Variants in TAOK2 observed in about 807,000 individuals in gnomAD.
TAOK2 encodes the protein serine/threonine-protein kinase TAO2.
In TAOK2, 42 loss-of-function variants were observed where a neutral mutation model predicts 122.5. That is an observed-to-expected ratio of 0.34 (90% CI 0.27 to 0.44). The LOEUF (loss-of-function observed/expected upper bound fraction) is 0.44. TAOK2 is among the 20% of genes least tolerant of loss of function. The pLI is 1.00. For synonymous variants in TAOK2, 704 were observed against 677.6 expected, an observed-to-expected ratio of 1.04 and a Z score of -0.61; for missense variants, 1,264 against 1,644.9, an observed-to-expected ratio of 0.77 and a Z score of 4.01.
downstream of TAOK2, chr16:29,989,883 G>T: frequency 6.9e-7 from 1 of 1,459,822 alleles, no homozygotes. Flanking sequence ...GACGGTGCAG[G>T]GCATGCACAG....
chr16:29,982,191 GCTT>G (rs1292591822), intron 10 of TAOK2, among the ~76,000 whole-genome samples: 1 of 152,208 alleles, frequency 6.6e-6, no homozygotes, highest in African/African-American at 2.4e-5. Flanking sequence ...GCCAGCCAGA[GCTT>G]CTGGTCAGCA....
In TAOK2 at chr16:29,986,322, C is replaced by T; in HGVS notation, c.2050C>T (p.His684Tyr). The T allele has an allele frequency of 6.4e-7, 1 of 1,566,586 alleles. No individual in the cohort carries two copies. Among genetic ancestry groups the T allele is most frequent in the Non-Finnish European group, 8.7e-7 (1 of 1,154,522 alleles). The part of the protein sequence containing the change: ...DLECALLLRQ[H>Y]EATRELELRQ... The stretch of plus-strand genomic sequence containing the variant: ...GGAGTGTGCACTGCTGCTTCGGCAG[C>T]ACGAGGCCACGCGGGAGCTGGAGCT... The change falls in exon 16 of 16, where the codon CAC becomes TAC. Residue 684 changes from histidine (H) to tyrosine (Y), a missense_variant. Transcript: ENST00000308893. This position sits in a 1 kb window ranked among gnomAD's most constrained non-coding sequence, Gnocchi z 4.2.
At chr16:29,989,954 T>G, downstream of TAOK2, 1 of 710,210 alleles carries the variant, frequency 1.4e-6, no homozygotes, top group Non-Finnish European at 2.3e-6. Flanking sequence ...TTCTCCACAA[T>G]GATTTATTTC....
chr16:29,991,311 C>T (rs761893778), downstream of TAOK2: 1 of 1,610,636 alleles, frequency 6.2e-7, no homozygotes, highest in Non-Finnish European at 8.5e-7. This position sits in a 1 kb window ranked among gnomAD's most constrained non-coding sequence, Gnocchi z 5.6. Flanking sequence ...CATGCCCCCT[C>T]CAGCCTGGCG....
At chr16:29,974,807 C>G (rs1165630134) in intron 1 of TAOK2, among the ~76,000 whole-genome samples, 159 bp downstream of exon 1, 3 of 152,134 alleles carry the variant, frequency 2.0e-5, no homozygotes, top group Non-Finnish European at 1.5e-5. Context: ...CTGTTGCCAC[C>G]CCCTTCCCCT....
rs960749207 is a variant in TAOK2, at chr16:29,986,885, C to T, written c.2613C>T (p.Ser871=). 5 of 1,613,882 alleles carry T rather than the reference C, an allele frequency of 3.1e-6. No homozygotes were observed. The African/African-American group carries it at 4.0e-5, about 13-fold the overall frequency. The change falls in exon 16 of 16, where the codon AGC becomes AGT. Residue 871 remains serine (S), a synonymous_variant. Transcript: ENST00000308893. The surrounding 1 kb of genome is among the most constrained non-coding windows in gnomAD (Gnocchi z 4.2). ...IVGQEEAGTW[S]LWGKEDESLL... ...GCCAGGAGGAGGCTGGGACATGGAG[C>T]TTGTGGGGGAAGGAGGATGAGAGTC...
In TAOK2 at chr16:29,979,663, C is replaced by A. The variant is rs1355882609; in HGVS notation, c.655+155C>A. 6.6e-6 allele frequency among the ~76,000 whole-genome samples: 1 copy of A among 152,160 alleles called. No homozygotes were observed. Among genetic ancestry groups the A allele is most frequent in the East Asian group, 1.9e-4 (1 of 5,196 alleles). On this transcript the variant is annotated intron_variant, in intron 8 of 15. Coordinates refer to ENST00000308893, the MANE Select transcript of TAOK2 (RefSeq NM_016151.4). This position sits in a 1 kb window ranked among gnomAD's most constrained non-coding sequence, Gnocchi z 4.1. ...CCTGGAGCCCAATACAGGCAGCTGG[C>A]AAATTCTGCCAGCTCTTAGGCCTAG...
At chr16:29,984,829 T>G (rs1448459774) in intron 13 of TAOK2, among the ~76,000 whole-genome samples, 1 of 152,166 alleles carries the variant, frequency 6.6e-6, no homozygotes, top group African/African-American at 2.4e-5. Context: ...TGAGGAGGTA[T>G]TATTTCCCCA....
At chr16:29,990,947 G>T, downstream of TAOK2, 1 of 1,612,386 alleles carries the variant, frequency 6.2e-7, no homozygotes. Context: ...GCGCTGCGGC[G>T]GGCACTGCTG....
In TAOK2 at chr16:29,988,253, G is replaced by T; in HGVS notation, c.*273G>T. ...CCTCACCCTCATTGACTCAGGCCTGGGGCCAGGGGTGGTGGAGGGTGGGAA... is the reference window on the plus strand; with the variant it reads ...CCTCACCCTCATTGACTCAGGCCTGTGGCCAGGGGTGGTGGAGGGTGGGAA... On this transcript the variant is annotated 3_prime_UTR_variant, in exon 16 of 16. Coordinates refer to ENST00000308893, the MANE Select transcript of TAOK2 (RefSeq NM_016151.4). The T allele has an allele frequency of 6.8e-7, 1 of 1,462,474 alleles. No homozygotes were observed. Among genetic ancestry groups the T allele is most frequent in the East Asian group, 2.5e-5 (1 of 39,370 alleles). 90.6% of individuals were successfully genotyped at this position (1,462,474 alleles called of 1,614,324 possible). A position where few individuals can be genotyped will look rare whatever the true frequency, so the allele number is the denominator to read the frequency against.
downstream of TAOK2, chr16:29,991,409 G>A (rs1381687134): frequency 3.9e-6 from 6 of 1,550,158 alleles, no homozygotes; most frequent in Non-Finnish European, 5.2e-6. The surrounding 1 kb of genome is among the most constrained non-coding windows in gnomAD (Gnocchi z 5.6). Context: ...GAGCCCTGCT[G>A]CTGCTAAGAA....
downstream of TAOK2, chr16:29,989,445 TCTCC>T: frequency 6.8e-7 from 1 of 1,474,662 alleles, no homozygotes; most frequent in African/African-American, 1.4e-5. Context: ...TTTCTGTTTC[TCTCC>T]CTCTCCCTGT....
At chr16:29,982,953 C>A in intron 11 of TAOK2, 52 bp downstream of exon 11, 2 of 1,606,638 alleles carry the variant, frequency 1.2e-6, no homozygotes, top group South Asian at 2.2e-5. Flanking sequence ...GTGCCTGCCC[C>A]CTGCAGTTGC....
At chr16:29,991,534 A>C (rs886507590), downstream of TAOK2, 3 of 1,484,618 alleles carry the variant, frequency 2.0e-6, no homozygotes, top group Non-Finnish European at 2.7e-6. The surrounding 1 kb of genome is among the most constrained non-coding windows in gnomAD (Gnocchi z 5.6). Flanking sequence ...GTCGCTTCCC[A>C]CATCCTCAAT....
At chr16:29,989,910 C>A, downstream of TAOK2, 1 of 1,107,598 alleles carries the variant, frequency 9.0e-7, no homozygotes, top group Non-Finnish European at 1.3e-6. Context: ...GGCTTTTTTA[C>A]TTGGGAAACT....
At chr16:29,984,545 C>G (rs1200403737) in intron 13 of TAOK2, among the ~76,000 whole-genome samples, 1 of 152,074 alleles carries the variant, frequency 6.6e-6, no homozygotes, top group East Asian at 1.9e-4. Flanking sequence ...TCTTCAGATC[C>G]CATGGTGTTG....
Position 29,981,916 on chromosome 16 carries a change from A to G in TAOK2, c.807A>G (p.Arg269=), listed in dbSNP as rs1213395768. 6 of 1,613,978 alleles carry G rather than the reference A, an allele frequency of 3.7e-6. No homozygotes were observed. The highest frequency in any genetic ancestry group is 4.2e-6 in the Non-Finnish European group (5 of 1,179,950). The change falls in exon 10 of 16, where the codon AGA becomes AGG. Residue 269 remains arginine (R), a synonymous_variant. Transcript: ENST00000308893. ...DSCLQKIPQD[R]PTSEVLLKHR... is the part of the protein sequence containing the mutation. ...GTCTTCAGAAAATCCCTCAAGACAGACCAACCTCAGAGGTTCTCCTGAAGG... is the reference window on the plus strand; with the variant it reads ...GTCTTCAGAAAATCCCTCAAGACAGGCCAACCTCAGAGGTTCTCCTGAAGG...
rs747101495 is a variant in TAOK2 at position 29,978,864 on chromosome 16, A to G, written c.352+20A>G. The G allele has an allele frequency of 4.3e-6, 7 of 1,613,990 alleles. No individual in the cohort carries two copies. The South Asian group carries it at 5.5e-5, about 13-fold the overall frequency. On this transcript the variant is annotated intron_variant, in intron 5 of 15. Transcript: ENST00000308893. ...TAGAAGGTAAGTGACTGATAGGCCA[A>G]TAAGTGGAGAAGGGAGAAGAGCAGG...
At position 29,983,349 on chromosome 16, in the gene TAOK2, TG is replaced by T. The variant is rs869115166; in HGVS notation, c.1260+22del. The T allele has an allele frequency of 6.3e-7, 1 of 1,581,796 alleles. No individual in the cohort carries two copies. The highest frequency in any genetic ancestry group is 1.3e-5 in the African/African-American group (1 of 74,736). ...CGGCTGCCGGTACACAGCTCACCCT[TG>T]GGGGACCCGAGCCACCTGCTCTAGA... is the stretch of plus-strand genomic sequence containing the variant. On this transcript the variant is annotated intron_variant, in intron 12 of 15. Transcript: ENST00000308893.
Sources: gnomAD v4.1 joint callset for allele counts (sites outside exome capture counted in the v4.1 genomes callset) on GRCh38, gnomAD v4.1.1 for gene constraint, Gnocchi (gnomAD v3.1) non-coding constraint, MANE v1.5 for transcripts, NCBI Gene and HGNC (gene_info 2026-07-23, HGNC 2026-07-21) for gene names.